MAST2: variants seen among roughly 807,000 people sequenced by gnomAD.
MAST2 encodes the protein microtubule-associated serine/threonine-protein kinase 2.
MAST2 carries 70 observed loss-of-function variants against 147.4 expected under a neutral mutation model. The observed-to-expected ratio is 0.47, with a 90% CI of 0.39 to 0.58. The LOEUF is 0.58. Among genes scored for constraint, MAST2 ranks in the 20% least tolerant of loss-of-function variants. MAST2 has a pLI of 0.00. For synonymous variants in MAST2, 869 were observed against 896.8 expected (o/e 0.97, Z 0.55); for missense variants, 2,080 against 2,302.3 (o/e 0.90, Z 1.98).
At chr1:45,896,811 A>G (rs1438148818) in intron 4 of MAST2, among the ~76,000 whole-genome samples, 1 of 152,180 alleles carries the variant, frequency 6.6e-6, no homozygotes, top group African/African-American at 2.4e-5. Flanking sequence ...ATATCAAACA[A>G]TATTTGTATA....
chr1:45,922,523 C>T lies in MAST2; in HGVS notation c.501-36863C>T, dbSNP rs181636612. Among the ~76,000 whole-genome samples the T allele has an allele frequency of 5.1e-4, 77 of 152,322 alleles. 2 individuals carry two copies. The highest frequency in any genetic ancestry group is 1.8e-3 in the African/African-American group (74 of 41,580). On this transcript the variant is annotated intron_variant, in intron 4 of 28. Transcript: ENST00000361297. ...GGGGGTTGGCATGTCAGCACTACCCCGAGCATGTGCACACTCAGCTGGGCT... is the reference window on the plus strand; with the variant it reads ...GGGGGTTGGCATGTCAGCACTACCCTGAGCATGTGCACACTCAGCTGGGCT...
chr1:45,831,954 A>G (rs1270778483), intron 3 of MAST2, among the ~76,000 whole-genome samples: 1 of 151,552 alleles, frequency 6.6e-6, no homozygotes, highest in Admixed American at 6.6e-5. Context: ...TAATTTTTGT[A>G]TTTTTAGTAG....
chr1:45,967,889 A>G (rs947816660), intron 5 of MAST2, among the ~76,000 whole-genome samples: 1 of 152,234 alleles, frequency 6.6e-6, no homozygotes, highest in Admixed American at 6.5e-5. Context: ...TTTTGCTGTC[A>G]TTCATTTCAC....
intron 5 of MAST2, among the ~76,000 whole-genome samples, chr1:45,965,350 G>A (rs1465312762): frequency 6.6e-6 from 1 of 152,198 alleles, no homozygotes; most frequent in East Asian, 1.9e-4. Context: ...TTGTGTGGGA[G>A]TCTAAGTCTC....
chr1:45,968,032 A>C (rs1643676831), intron 5 of MAST2, among the ~76,000 whole-genome samples: 1 of 152,236 alleles, frequency 6.6e-6, no homozygotes, highest in Admixed American at 6.5e-5. Context: ...AAACTTTTTA[A>C]GCACCAACAT....
chr1:45,841,680 A>C (rs1388846675), intron 3 of MAST2, among the ~76,000 whole-genome samples: 1 of 152,182 alleles, frequency 6.6e-6, no homozygotes, highest in Non-Finnish European at 1.5e-5. Flanking sequence ...TACTGACAGC[A>C]GTATAGGTTT....
chr1:46,016,074 C>T (rs1247185651), intron 10 of MAST2, among the ~76,000 whole-genome samples: 1 of 151,694 alleles, frequency 6.6e-6, no homozygotes, highest in East Asian at 1.9e-4. Context: ...AAGACAAAAA[C>T]CACATGATTA....
intron 16 of MAST2, among the ~76,000 whole-genome samples, 175 bp from the exon 17 acceptor site, chr1:46,027,556 C>A (rs570692563): frequency 1.1e-4 from 17 of 152,336 alleles, no homozygotes; most frequent in Admixed American, 4.6e-4. Flanking sequence ...GCAGCACTCA[C>A]ACAGCCAGAG....
chr1:46,033,690 G>A (rs1646775488), intron 26 of MAST2, 112 bp from the exon 27 acceptor site: 1 of 1,372,484 alleles, frequency 7.3e-7, no homozygotes, highest in Non-Finnish European at 1.0e-6. Context: ...TGTTGGTGCA[G>A]GGACAAAAAG....
At chr1:45,974,454 G>C (rs1409781762) in intron 5 of MAST2, among the ~76,000 whole-genome samples, 2 of 152,114 alleles carry the variant, frequency 1.3e-5, no homozygotes, top group African/African-American at 4.8e-5. Context: ...AAATTAGCTG[G>C]GCATGGTGTT....
chr1:45,817,350 A>G (rs139357122), intron 1 of MAST2, among the ~76,000 whole-genome samples: 42 of 152,294 alleles, frequency 2.8e-4, no homozygotes, highest in Non-Finnish European at 5.4e-4. Context: ...CAAATAACAT[A>G]CAATGGAGCT....
At chr1:45,933,529 C>T (rs976614936) in intron 4 of MAST2, among the ~76,000 whole-genome samples, 22 of 147,102 alleles carry the variant, frequency 1.5e-4, no homozygotes, top group Non-Finnish European at 2.8e-4. Context: ...CATCTGAGGT[C>T]AGGAGTTTGA....
chr1:46,030,041 C>T, intron 20 of MAST2, 88 bp downstream of exon 20: 4 of 1,600,068 alleles, frequency 2.5e-6, no homozygotes, highest in East Asian at 2.2e-5. Flanking sequence ...TTGGGAGCAA[C>T]TTCTCAGGGC....
rs1646104492 is a variant in MAST2, at chr1:46,019,704, G to A, written c.1290+7G>A. The A allele has an allele frequency of 1.2e-6, 2 of 1,613,260 alleles. No individual in the cohort carries two copies. The highest frequency in any genetic ancestry group is 4.5e-5 in the East Asian group (2 of 44,886). ...ACGTCTCCTGGAATGCCTGGTGAGT[G>A]GACTCTAGGAAAGTCAGGTGGGCAG... On this transcript the variant is annotated splice_region_variant and intron_variant, in intron 11 of 28. Coordinates refer to ENST00000361297, the MANE Select transcript of MAST2 (RefSeq NM_015112.3).
At chr1:45,907,124 A>G (rs565239870) in intron 4 of MAST2, among the ~76,000 whole-genome samples, 45 of 152,298 alleles carry the variant, frequency 3.0e-4, no homozygotes, top group South Asian at 1.2e-3. Context: ...TCGCCTAACA[A>G]TGCATTTCTC....
At chr1:45,805,695 T>G (rs1644122032) in intron 1 of MAST2, among the ~76,000 whole-genome samples, 1 of 152,210 alleles carries the variant, frequency 6.6e-6, no homozygotes, top group Non-Finnish European at 1.5e-5. Context: ...ATCCTTAGCT[T>G]CAGTCTCAGA....
chr1:45,933,205 A>G (rs901461247), intron 4 of MAST2, among the ~76,000 whole-genome samples: 4 of 126,250 alleles, frequency 3.2e-5, no homozygotes, highest in Middle Eastern at 3.8e-3. Flanking sequence ...CCTGGGCAAC[A>G]GAGCAAGACC....
intron 4 of MAST2, among the ~76,000 whole-genome samples, chr1:45,905,731 G>T (rs1352536011): frequency 2.0e-5 from 3 of 151,348 alleles, no homozygotes; most frequent in Admixed American, 6.6e-5. Flanking sequence ...AGCTGAGATC[G>T]CGCCACTGCA....
chr1:45,831,222 C>G (rs1411615738), intron 3 of MAST2, among the ~76,000 whole-genome samples: 2 of 152,084 alleles, frequency 1.3e-5, no homozygotes, highest in Non-Finnish European at 2.9e-5. Flanking sequence ...TCACACTGTT[C>G]CCTCTATCCT....
Sources: allele counts gnomAD v4.1 joint callset (sites outside exome capture counted in the v4.1 genomes callset), GRCh38; gene constraint gnomAD v4.1.1; transcripts MANE v1.5; gene names NCBI Gene and HGNC (gene_info 2026-07-23, HGNC 2026-07-21).